Variants in CACNB4 observed in about 807,000 individuals in gnomAD.
CACNB4 encodes the protein calcium voltage-gated channel auxiliary subunit beta 4.
CACNB4 carries 32 observed loss-of-function variants against 71.2 expected under a neutral mutation model. That is an observed-to-expected ratio of 0.45 (90% CI 0.34 to 0.60). The LOEUF is 0.60. CACNB4 is among the 20% of genes least tolerant of loss of function. CACNB4 has a pLI of 0.01. For missense variants in CACNB4, 464 were observed against 647.9 expected, an observed-to-expected ratio of 0.72 and a Z score of 3.08; for synonymous variants, 231 against 236.9, an observed-to-expected ratio of 0.97 and a Z score of 0.23.
chr2:151,861,590 C>A lies in CACNB4; in HGVS notation c.759-770G>T, dbSNP rs189227086. The A allele has an allele frequency of 2.6e-5, 4 of 152,246 alleles. No individual in the cohort carries two copies. In the South Asian group the frequency reaches 8.3e-4, roughly 32 times the overall value. The allele number at this position is 152,246 out of a possible 1,614,324, so 9.4% of individuals were successfully genotyped here. ...TGGCATGGTGGCTCATGCCTGTAAT[C>A]CCAGCACTTTGGGAGGCCGACATGG... On this transcript the variant is annotated intron_variant, in intron 9 of 13. Coordinates refer to ENST00000539935, the MANE Select transcript of CACNB4 (RefSeq NM_000726.5).
chr2:151,940,344 C>G (rs1399849208), intron 2 of CACNB4, among the ~76,000 whole-genome samples: 1 of 152,098 alleles, frequency 6.6e-6, no homozygotes, highest in South Asian at 2.1e-4. Context: ...AGGATTTATA[C>G]AGAAAATGGG....
intron 2 of CACNB4, among the ~76,000 whole-genome samples, chr2:152,050,666 T>C (rs966220286): frequency 3.9e-5 from 6 of 151,988 alleles, no homozygotes; most frequent in Non-Finnish European, 8.8e-5. Context: ...CAGTGAGCCA[T>C]GATTGTGCCA....
chr2:151,904,735 A>C (rs1218478604), intron 2 of CACNB4, among the ~76,000 whole-genome samples: 3 of 152,142 alleles, frequency 2.0e-5, no homozygotes, highest in Non-Finnish European at 2.9e-5. Context: ...GGGTTTCACC[A>C]TGTTGGCCAG....
At chr2:151,881,669 C>T (rs1172595490) in intron 3 of CACNB4, among the ~76,000 whole-genome samples, 1 of 152,188 alleles carries the variant, frequency 6.6e-6, no homozygotes, top group Non-Finnish European at 1.5e-5. Context: ...CACAGTGAGA[C>T]ACAAGATTCC....
intron 2 of CACNB4, 189 bp from the exon 3 acceptor site, chr2:151,883,559 T>C (rs1457341772): frequency 3.3e-6 from 2 of 603,794 alleles, no homozygotes; most frequent in East Asian, 2.9e-5. Flanking sequence ...AAAGTAGCAA[T>C]GTTGTGAAGA....
In CACNB4 at chr2:151,853,560, T is replaced by C. The variant is rs1215214848; in HGVS notation, c.1021-17A>G. The C allele has an allele frequency of 6.3e-6, 9 of 1,427,588 alleles. No homozygotes were observed. Among genetic ancestry groups the C allele is most frequent in the South Asian group, 1.2e-5 (1 of 80,212 alleles). 88.4% of individuals were successfully genotyped at this position (1,427,588 alleles called of 1,614,324 possible). On this transcript the variant is annotated splice_polypyrimidine_tract_variant and intron_variant, in intron 11 of 13. Coordinates refer to ENST00000539935, the MANE Select transcript of CACNB4 (RefSeq NM_000726.5). ...CTGTAAAACCTGATAGAAGAAGACA[T>C]GAACCTGAGGTATTGTAGATGAGTT...
At chr2:152,061,437 C>T (rs75044207) in intron 2 of CACNB4, among the ~76,000 whole-genome samples, 2,843 of 152,174 alleles carry the variant, frequency 0.019, 87 homozygotes, top group African/African-American at 0.064. Flanking sequence ...AACATCTAGA[C>T]TGCAAAAATA....
At chr2:152,002,817 T>G (rs755206049) in intron 2 of CACNB4, among the ~76,000 whole-genome samples, 3 of 152,226 alleles carry the variant, frequency 2.0e-5, no homozygotes, top group Non-Finnish European at 2.9e-5. Flanking sequence ...GACCAAGGAC[T>G]CAAAAGGAAG....
At chr2:151,993,744 C>T (rs111467038) in intron 2 of CACNB4, among the ~76,000 whole-genome samples, 79,859 of 151,070 alleles carry the variant, frequency 0.53, 22,451 homozygotes, top group Non-Finnish European at 0.63. Flanking sequence ...TTTGTATTTT[C>T]AGTAGAGACG....
intron 5 of CACNB4, chr2:151,873,619 A>G (rs2099845166): frequency 6.6e-6 from 1 of 152,144 alleles, no homozygotes; most frequent in South Asian, 2.1e-4. Context: ...ATTGGCAGGA[A>G]AGGGGTCACT....
chr2:152,029,417 C>T (rs1428701674), intron 2 of CACNB4, among the ~76,000 whole-genome samples: 1 of 149,880 alleles, frequency 6.7e-6, no homozygotes, highest in Non-Finnish European at 1.5e-5. Flanking sequence ...TTGCTTGAAC[C>T]CAGGAGGCAG....
intron 2 of CACNB4, among the ~76,000 whole-genome samples, chr2:151,893,444 G>C (rs2099851230): frequency 6.6e-6 from 1 of 152,118 alleles, no homozygotes; most frequent in Non-Finnish European, 1.5e-5. Flanking sequence ...GTTTTGCCAT[G>C]ATGATCAGAC....
At position 151,943,825 on chromosome 2, in the gene CACNB4, G is replaced by A. The variant is rs577740374; in HGVS notation, c.148-60455C>T. On this transcript the variant is annotated intron_variant, in intron 2 of 13. Coordinates refer to ENST00000539935, the MANE Select transcript of CACNB4 (RefSeq NM_000726.5). ...TTATGCAAATATTCAGAGGCTGGCA[G>A]ATGAAAAAAGGACAGAACAAAGGCT... Among the ~76,000 whole-genome samples the A allele has an allele frequency of 5.3e-5, 8 of 152,186 alleles. No individual in the cohort carries two copies. In the South Asian group the frequency reaches 1.4e-3, roughly 28 times the overall value.
At chr2:151,853,594 A>C (rs1184771867) in intron 11 of CACNB4, 51 bp from the exon 12 acceptor site, 2 of 1,015,630 alleles carry the variant, frequency 2.0e-6, no homozygotes, top group African/African-American at 3.3e-5. Flanking sequence ...TTGAAAGAAA[A>C]TCAAATAAGC....
chr2:151,874,397 G>A (rs1300151647), intron 5 of CACNB4, among the ~76,000 whole-genome samples: 1 of 151,674 alleles, frequency 6.6e-6, no homozygotes, highest in African/African-American at 2.4e-5. Flanking sequence ...GAACCTAGGA[G>A]GCAGAGGTTG....
chr2:152,013,983 C>T (rs537763324), intron 2 of CACNB4, among the ~76,000 whole-genome samples: 47 of 152,300 alleles, frequency 3.1e-4, no homozygotes, highest in Middle Eastern at 3.4e-3. Context: ...TCCTAGCTGG[C>T]TGGGAAAACA....
At chr2:151,950,876 A>G (rs557255217) in intron 2 of CACNB4, among the ~76,000 whole-genome samples, 1 of 152,314 alleles carries the variant, frequency 6.6e-6, no homozygotes, top group East Asian at 1.9e-4. Flanking sequence ...ATGCTTCCGA[A>G]CTAGATAGAG....
At chr2:151,912,109 A>C (rs79028183) in intron 2 of CACNB4, among the ~76,000 whole-genome samples, 6 of 151,792 alleles carry the variant, frequency 4.0e-5, no homozygotes, top group African/African-American at 1.5e-4. Flanking sequence ...TAATTTTTTC[A>C]AAAAAACAGC....
At chr2:151,898,517 C>T (rs1230694346) in intron 2 of CACNB4, among the ~76,000 whole-genome samples, 1 of 152,210 alleles carries the variant, frequency 6.6e-6, no homozygotes. Flanking sequence ...ACACTCTATT[C>T]CCTCCCAAAA....
Sources: gnomAD v4.1 joint callset for allele counts (sites outside exome capture counted in the v4.1 genomes callset) on GRCh38, gnomAD v4.1.1 for gene constraint, MANE v1.5 for transcripts, NCBI Gene and HGNC (gene_info 2026-07-23, HGNC 2026-07-21) for gene names.